The following VILL variants were observed in gnomAD, a reference collection of about 807,000 sequenced individuals.
VILL encodes villin like, also known as villin-like protein.
A neutral mutation model predicts 106.3 loss-of-function variants in VILL; 102 were observed. The observed-to-expected ratio is 0.96, with a 90% confidence interval of 0.82 to 1.13. The LOEUF (loss-of-function observed/expected upper bound fraction) is 1.13, where lower values mean the gene tolerates loss of function less well. Among genes scored for constraint, VILL ranks in the 50% most tolerant of loss-of-function variants. VILL has a pLI of 0.00. For missense variants in VILL, 1,076 were observed against 1,116.6 expected, an observed-to-expected ratio of 0.96 and a Z score of 0.52; for synonymous variants, 431 against 440.3, an observed-to-expected ratio of 0.98 and a Z score of 0.27.
rs1248157587 is a variant in VILL at position 37,997,351 on chromosome 3, C to T, written c.562-132C>T. On this transcript the variant is annotated intron_variant, in intron 6 of 19. Transcript: ENST00000383759. This position sits in a 1 kb window ranked among gnomAD's most constrained non-coding sequence, Gnocchi z 4.7. The stretch of plus-strand genomic sequence containing the variant: ...TTCAGACCCTGCATTGTTGGTGTCC[C>T]CCTGGATGCCAGGATGAGGGGACAT... 2 of 1,177,638 alleles carry T rather than the reference C, an allele frequency of 1.7e-6. No individual in the cohort carries two copies. The highest frequency in any genetic ancestry group is 1.2e-6 in the Non-Finnish European group (1 of 824,332). The allele number at this position is 1,177,638 out of a possible 1,614,324, so 72.9% of individuals were successfully genotyped here.
Position 37,997,680 on chromosome 3 carries a change from G to T in VILL, c.759G>T (p.Leu253=). 1 of 1,317,512 alleles carries T rather than the reference G, an allele frequency of 7.6e-7. No homozygotes were observed. The allele number at this position is 1,317,512 out of a possible 1,614,324, so 81.6% of individuals were successfully genotyped here. The change falls in exon 7 of 20, where the codon CTG becomes CTT. Residue 253 remains leucine, a synonymous_variant. Transcript: ENST00000383759. The surrounding 1 kb of genome is among the most constrained non-coding windows in gnomAD (Gnocchi z 4.7). ...AGCTGCAGAAGGCCAATGTTCGCCTGTACCAGTGAGTACCCCTGGGGTGGG... is the reference window on the plus strand; with the variant it reads ...AGCTGCAGAAGGCCAATGTTCGCCTTTACCAGTGAGTACCCCTGGGGTGGG... ...INQLQKANVR[L]YHVYEKGKDL...
At chr3:37,992,172 A>G (rs1297932973) in intron 1 of VILL, among the ~76,000 whole-genome samples, 1 of 152,142 alleles carries the variant, frequency 6.6e-6, no homozygotes, top group Non-Finnish European at 1.5e-5. Flanking sequence ...GTACTCTTCC[A>G]TGAGCTACAG....
At chr3:38,006,813 T>C in intron 19 of VILL, 113 bp downstream of exon 19, 8 of 1,530,612 alleles carry the variant, frequency 5.2e-6, no homozygotes, top group African/African-American at 1.4e-5. Flanking sequence ...AGATGTGTCT[T>C]CTAGCTGGGG....
chr3:37,996,961 G>A, intron 5 of VILL, 116 bp from the exon 6 acceptor site: 4 of 814,070 alleles, frequency 4.9e-6, no homozygotes, highest in Middle Eastern at 3.3e-4. Flanking sequence ...AGTCACACAT[G>A]CCTACGTACA....
chr3:38,003,515 G>A, intron 15 of VILL: 1 of 635,072 alleles, frequency 1.6e-6, no homozygotes, highest in Non-Finnish European at 2.6e-6. Context: ...CTCAGATGCT[G>A]GGGAGAGTGG....
upstream of VILL, among the ~76,000 whole-genome samples, chr3:37,989,657 C>T (rs1409770575): frequency 6.6e-6 from 1 of 151,994 alleles, no homozygotes; most frequent in Non-Finnish European, 1.5e-5. Flanking sequence ...TTCCTGGGCA[C>T]AGAGACAAAA....
chr3:38,001,310 A>G (rs1699811444), intron 11 of VILL, 146 bp from the exon 12 acceptor site: 2 of 1,208,242 alleles, frequency 1.7e-6, no homozygotes, highest in African/African-American at 1.5e-5. Flanking sequence ...AAGGCCCAGA[A>G]TGGGCCTGGA....
Position 37,999,397 on chromosome 3 carries a change from G to C in VILL, c.1140G>C (p.Ala380=). Residue 380 remains alanine (A), a synonymous_variant, in exon 11 of 20, where the codon GCG becomes GCC. Transcript: ENST00000383759. ...VGKLHTQPKL[A]AQLRMVDDGS... Reference sequence around the variant, plus strand: ...AGCTGCACACCCAGCCTAAGTTAGCGGCCCAGCTCAGGATGGTGGACGACG... The same window carrying C: ...AGCTGCACACCCAGCCTAAGTTAGCCGCCCAGCTCAGGATGGTGGACGACG... 2 of 1,501,576 alleles carry C rather than the reference G, an allele frequency of 1.3e-6. No individual in the cohort carries two copies. The highest frequency in any genetic ancestry group is 1.8e-6 in the Non-Finnish European group (2 of 1,128,508). The allele number at this position is 1,501,576 out of a possible 1,614,324, so 93.0% of individuals were successfully genotyped here. A position where few individuals can be genotyped will look rare whatever the true frequency, so the allele number is the denominator to read the frequency against.
In VILL at chr3:38,006,943, T is replaced by A. The variant is rs765462636; in HGVS notation, c.2459T>A (p.Phe820Tyr). ...PEGVDPARRE[F>Y]YLSDSDFQDI... is the part of the protein sequence containing the mutation. ...CCTCCCCCTCTCTCCCCTGCCCAGT[T>A]CTATCTCTCAGACTCTGACTTCCAA... is the stretch of plus-strand genomic sequence containing the variant. Residue 820 changes from phenylalanine to tyrosine, a missense_variant and splice_region_variant, in exon 20 of 20, where the codon TTC (phenylalanine) becomes TAC (tyrosine). Physicochemically the swap from Phe to Tyr is conservative, Grantham distance 22. Coordinates refer to ENST00000383759, the MANE Select transcript of VILL (RefSeq NM_015873.4). 6.2e-7 allele frequency: 1 copy of A among 1,613,398 alleles called. No homozygotes were observed. The highest frequency in any genetic ancestry group is 2.2e-5 in the East Asian group (1 of 44,868).
At chr3:37,993,377 A>G in intron 1 of VILL, 1 of 418,066 alleles carries the variant, frequency 2.4e-6, no homozygotes, top group Non-Finnish European at 4.4e-6. Context: ...GTGTGTTCGA[A>G]TCATGCACTG....
chr3:38,001,461 G>T lies in VILL; in HGVS notation c.1188G>T (p.Trp396Cys). 6.2e-7 allele frequency: 1 copy of T among 1,614,070 alleles called. No homozygotes were observed. The highest frequency in any genetic ancestry group is 8.5e-7 in the Non-Finnish European group (1 of 1,179,956). Residue 396 changes from tryptophan (W) to cysteine (C), a missense_variant, in exon 12 of 20, where the codon TGG becomes TGT. By Grantham distance (215) the Trp-to-Cys change is radical. Transcript: ENST00000383759. ...ATTGGTCCCTTATTCCCCAGGTGTGGTGCATCCAGGACTTACACAGGCAGC... is the reference window on the plus strand; with the variant it reads ...ATTGGTCCCTTATTCCCCAGGTGTGTTGCATCCAGGACTTACACAGGCAGC... ...VDDGSGKVEV[W>C]CIQDLHRQPV...
chr3:37,998,353 A>C lies in VILL; in HGVS notation c.931A>C (p.Ser311Arg), dbSNP rs1699745576. Residue 311 changes from serine (S) to arginine (R), a missense_variant, in exon 9 of 20, where the codon AGC becomes CGC. Ser to Arg is a moderately radical substitution (Grantham distance 110). Transcript: ENST00000383759. This position sits in a 1 kb window ranked among gnomAD's most constrained non-coding sequence, Gnocchi z 4.1. ...CCTCCAGGAGAGAAAGGCTGCCTTC[A>C]GCCGGGCTGTGGTGAGCCCTGGGGC... ...SSLQERKAAF[S>R]RAVGFIQAKG... is the part of the protein sequence containing the mutation. 3.1e-6 allele frequency: 5 copies of C among 1,614,032 alleles called. No homozygotes were observed. In the African/African-American group the frequency reaches 6.7e-5, roughly 22 times the overall value.
chr3:37,995,628 T>C, intron 4 of VILL, 111 bp from the exon 5 acceptor site: 1 of 834,320 alleles, frequency 1.2e-6, no homozygotes, highest in Non-Finnish European at 2.0e-6. Context: ...AGTGCATGTA[T>C]GAAGCAGGCA....
chr3:37,988,924 T>G (rs960821306), upstream of VILL, among the ~76,000 whole-genome samples: 3 of 152,212 alleles, frequency 2.0e-5, no homozygotes, highest in Non-Finnish European at 4.4e-5. Flanking sequence ...TTACTACAAT[T>G]TTTTAAATCT....
chr3:38,006,938 C>T lies in VILL; in HGVS notation c.2458-4C>T, dbSNP rs1456016211. The T allele has an allele frequency of 1.9e-6, 3 of 1,612,316 alleles. No homozygotes were observed. The highest frequency in any genetic ancestry group is 2.7e-5 in the African/African-American group (2 of 74,912). On this transcript the variant is annotated splice_region_variant and splice_polypyrimidine_tract_variant and intron_variant, in intron 19 of 19. Coordinates refer to ENST00000383759, the MANE Select transcript of VILL (RefSeq NM_015873.4). ...CTGTACCTCCCCCTCTCTCCCCTGC[C>T]CAGTTCTATCTCTCAGACTCTGACT...
intron 4 of VILL, 152 bp downstream of exon 4, chr3:37,994,618 C>A: frequency 1.2e-6 from 1 of 806,714 alleles, no homozygotes; most frequent in Non-Finnish European, 1.9e-6. Context: ...ATACGCCATA[C>A]GATTCACCCA....
intron 13 of VILL, 155 bp downstream of exon 13, chr3:38,002,015 T>C (rs1575338587): frequency 7.9e-7 from 1 of 1,272,344 alleles, no homozygotes; most frequent in Non-Finnish European, 1.1e-6. Context: ...AGCTCCAAGG[T>C]TGGCCCCCTG....
At chr3:37,994,952 T>G (rs1328990743) in intron 4 of VILL, among the ~76,000 whole-genome samples, 1 of 152,290 alleles carries the variant, frequency 6.6e-6, no homozygotes, top group Non-Finnish European at 1.5e-5. Flanking sequence ...CAAGTAATAT[T>G]GCATTTTATG....
chr3:37,999,729 C>T (rs898457609), intron 11 of VILL, among the ~76,000 whole-genome samples: 3 of 152,210 alleles, frequency 2.0e-5, no homozygotes, highest in Non-Finnish European at 4.4e-5. Flanking sequence ...CAAACATATG[C>T]TTATACAGAC....
Sources: gnomAD v4.1 joint callset for allele counts (sites outside exome capture counted in the v4.1 genomes callset) on GRCh38, gnomAD v4.1.1 for gene constraint, Gnocchi (gnomAD v3.1) non-coding constraint, MANE v1.5 for transcripts, NCBI Gene and HGNC (gene_info 2026-07-23, HGNC 2026-07-21) for gene names.